The following LOC400499 variants were observed in gnomAD, a reference collection of about 807,000 sequenced individuals.
chr16:11,445,875 C>T, the LOC400499 span, among the ~76,000 whole-genome samples: 378 of 151,752 alleles, frequency 2.5e-3, 1 homozygote, highest in African/African-American at 8.2e-3. Context: ...GCTCTGTGGC[C>T]CAGGCTGGAA....
At chr16:11,487,835 G>A in the LOC400499 span, among the ~76,000 whole-genome samples, 2 of 152,142 alleles carry the variant, frequency 1.3e-5, no homozygotes, top group Non-Finnish European at 2.9e-5. Flanking sequence ...CAGTGTTTCC[G>A]CCAGGCACAG....
chr16:11,426,083 C>T, the LOC400499 span, among the ~76,000 whole-genome samples: 57 of 152,234 alleles, frequency 3.7e-4, no homozygotes, highest in Middle Eastern at 3.4e-3. Context: ...AGTGAAAAAC[C>T]ATATGAATAT....
chr16:11,374,566 G>A, the LOC400499 span, among the ~76,000 whole-genome samples: 3 of 152,144 alleles, frequency 2.0e-5, no homozygotes, highest in East Asian at 1.9e-4. Flanking sequence ...CTTCAAATAA[G>A]TGGACTCATA....
chr16:11,523,302 G>C, the LOC400499 span: 3 of 397,800 alleles, frequency 7.5e-6, no homozygotes, highest in South Asian at 2.7e-4. Context: ...AGCATAGTCA[G>C]GGCCCTCTGG....
At chr16:11,389,553 C>T in the LOC400499 span, among the ~76,000 whole-genome samples, 2 of 151,870 alleles carry the variant, frequency 1.3e-5, no homozygotes, top group African/African-American at 4.8e-5. Context: ...TGGGATGGCA[C>T]GCGCACCTGT....
the LOC400499 span, among the ~76,000 whole-genome samples, chr16:11,417,163 T>C: frequency 6.6e-6 from 1 of 151,740 alleles, no homozygotes; most frequent in South Asian, 2.1e-4. Context: ...AAAAATAAGG[T>C]ATTCACAGAT....
At chr16:11,475,616 C>T in the LOC400499 span, 2 of 399,090 alleles carry the variant, frequency 5.0e-6, no homozygotes, top group East Asian at 7.1e-5. Context: ...GGAGGCCCTG[C>T]TGCCTACCTT....
chr16:11,393,180 G>A, the LOC400499 span, among the ~76,000 whole-genome samples: 1 of 141,760 alleles, frequency 7.1e-6, no homozygotes, highest in African/African-American at 2.7e-5. Flanking sequence ...TTTAAGTAGA[G>A]ACGGGGTCTC....
At chr16:11,502,151 G>A in the LOC400499 span, 3 of 399,132 alleles carry the variant, frequency 7.5e-6, no homozygotes, top group Non-Finnish European at 1.3e-5. Context: ...CCTGGAGCTG[G>A]GACACCAGTG....
the LOC400499 span, chr16:11,502,162 T>G: frequency 2.5e-6 from 1 of 399,074 alleles, no homozygotes; most frequent in Non-Finnish European, 4.4e-6. Flanking sequence ...GACACCAGTG[T>G]CAGGAACAAG....
chr16:11,483,309 A>T, the LOC400499 span, among the ~76,000 whole-genome samples: 3 of 152,206 alleles, frequency 2.0e-5, no homozygotes, highest in Non-Finnish European at 4.4e-5. Context: ...CCTACTAATT[A>T]TTCAAGAGAA....
chr16:11,525,433 A>G, the LOC400499 span, among the ~76,000 whole-genome samples: 1 of 152,146 alleles, frequency 6.6e-6, no homozygotes, highest in Admixed American at 6.6e-5. Flanking sequence ...TTTCTCCTAA[A>G]TATTTTGGCA....
chr16:11,445,824 T>C, the LOC400499 span, among the ~76,000 whole-genome samples: 1 of 132,888 alleles, frequency 7.5e-6, no homozygotes, highest in African/African-American at 2.8e-5. Context: ...GAGAACCCAG[T>C]CAGGAGAACC....
the LOC400499 span, among the ~76,000 whole-genome samples, chr16:11,502,393 T>G: frequency 6.6e-6 from 1 of 152,326 alleles, no homozygotes; most frequent in Non-Finnish European, 1.5e-5. Context: ...ACAAGCTGGC[T>G]CATTTTTCTC....
chr16:11,494,535 G>A, the LOC400499 span: 1 of 398,744 alleles, frequency 2.5e-6, no homozygotes, highest in Non-Finnish European at 4.4e-6. Context: ...GCCCCACTGG[G>A]GGCACTGAAG....
chr16:11,429,937 C>A, the LOC400499 span, among the ~76,000 whole-genome samples: 15 of 152,188 alleles, frequency 9.9e-5, no homozygotes, highest in African/African-American at 3.1e-4. Flanking sequence ...AAGTATCTCA[C>A]CCCAGTTACT....
chr16:11,378,216 A>G, the LOC400499 span, among the ~76,000 whole-genome samples: 1 of 145,906 alleles, frequency 6.9e-6, no homozygotes, highest in Non-Finnish European at 1.5e-5. Flanking sequence ...GGATTATAGA[A>G]CAGTGTCACT....
the LOC400499 span, chr16:11,393,461 T>C: frequency 8.1e-6 from 10 of 1,232,126 alleles, no homozygotes; most frequent in South Asian, 3.3e-4. Context: ...CTTTCTCCTC[T>C]CTGTTGTCCA....
chr16:11,391,607 G>A, the LOC400499 span: 2 of 1,212,822 alleles, frequency 1.6e-6, no homozygotes. Flanking sequence ...TAGGGCCCCG[G>A]TGGAGAGGGG....
Sources: allele counts gnomAD v4.1 joint callset (sites outside exome capture counted in the v4.1 genomes callset), GRCh38; gene constraint gnomAD v4.1.1; transcripts MANE v1.5.